Variants in MAGI1 observed in about 807,000 individuals in gnomAD.
The protein encoded by MAGI1 is membrane-associated guanylate kinase, WW and PDZ domain-containing protein 1.
MAGI1 carries 58 observed loss-of-function variants against 139.9 expected under a neutral mutation model. The ratio of observed to expected loss-of-function variants is 0.41; its 90% CI spans 0.34 to 0.52. The LOEUF is 0.52. Ranked by LOEUF, MAGI1 falls within the 20% of genes least tolerant of loss-of-function variation. The probability of loss-of-function intolerance (pLI) is 0.12; values close to 1 mark genes in which losing one functional copy is unlikely to be tolerated. For synonymous variants in MAGI1, 812 were observed against 737.9 expected, an observed-to-expected ratio of 1.10 and a Z score of -1.63; for missense variants, 1,874 against 1,901.6, an observed-to-expected ratio of 0.99 and a Z score of 0.27.
At chr3:65,865,455 G>C (rs2059691033) in intron 1 of MAGI1, among the ~76,000 whole-genome samples, 2 of 152,080 alleles carry the variant, frequency 1.3e-5, no homozygotes, top group East Asian at 1.9e-4. Flanking sequence ...AATTAGCCAG[G>C]CGTGGTGGCA....
At chr3:65,838,825 C>T (rs550767315) in intron 1 of MAGI1, among the ~76,000 whole-genome samples, 2 of 152,226 alleles carry the variant, frequency 1.3e-5, no homozygotes, top group Non-Finnish European at 2.9e-5. Context: ...GTGTTTGTAC[C>T]ATTTTACATT....
intron 1 of MAGI1, among the ~76,000 whole-genome samples, chr3:65,722,047 C>T (rs1559819931): frequency 6.6e-6 from 1 of 152,138 alleles, no homozygotes; most frequent in East Asian, 1.9e-4. Context: ...ACCTCCTTCC[C>T]TCCTCCAATC....
intron 1 of MAGI1, among the ~76,000 whole-genome samples, chr3:65,933,356 C>T (rs1245211597): frequency 6.6e-6 from 1 of 152,200 alleles, no homozygotes; most frequent in Non-Finnish European, 1.5e-5. Context: ...GAGGGATCTG[C>T]TTCTGCTTCT....
At chr3:65,987,160 G>A (rs1259733795) in intron 1 of MAGI1, among the ~76,000 whole-genome samples, 4 of 152,138 alleles carry the variant, frequency 2.6e-5, no homozygotes, top group Admixed American at 1.3e-4. Flanking sequence ...GAGCTACCGC[G>A]CCTGGCCTAA....
intron 1 of MAGI1, among the ~76,000 whole-genome samples, chr3:65,988,316 A>C (rs1363596288): frequency 6.6e-6 from 1 of 152,194 alleles, no homozygotes; most frequent in Non-Finnish European, 1.5e-5. Flanking sequence ...TAAAGCAGGC[A>C]TAACTGTGCT....
At chr3:65,969,125 G>A (rs1404037192) in intron 1 of MAGI1, among the ~76,000 whole-genome samples, 16 of 152,172 alleles carry the variant, frequency 1.1e-4, no homozygotes, top group Admixed American at 1.0e-3. Flanking sequence ...GGGAAGAATT[G>A]AGGCTGGTCT....
At chr3:65,859,046 A>G (rs1479412146) in intron 1 of MAGI1, among the ~76,000 whole-genome samples, 1 of 152,168 alleles carries the variant, frequency 6.6e-6, no homozygotes, top group Non-Finnish European at 1.5e-5. Flanking sequence ...AAAAATGCTA[A>G]AACTGGCTAG....
At chr3:65,980,950 G>A (rs1255618831) in intron 1 of MAGI1, among the ~76,000 whole-genome samples, 1 of 152,128 alleles carries the variant, frequency 6.6e-6, no homozygotes, top group Non-Finnish European at 1.5e-5. Context: ...CTTGAGGTCA[G>A]GAGTTCGAGA....
Position 65,530,666 on chromosome 3 carries a change from T to A in MAGI1, c.431-37035A>T, listed in dbSNP as rs1164397160. 1.2e-4 allele frequency among the ~76,000 whole-genome samples: 17 copies of A among 139,532 alleles called. 2 individuals carry two copies. The highest frequency in any genetic ancestry group is 7.5e-4 in the Admixed American group (10 of 13,402). The allele number at this position is 139,532 out of a possible 152,430, so 91.5% of individuals were successfully genotyped here. ...GTGTGTGTGTGTGTGTGTGTGTATA[T>A]ATATATACATATATATATACGTGTA... On this transcript the variant is annotated intron_variant, in intron 2 of 22. Transcript: ENST00000402939.
At position 65,430,211 on chromosome 3, in the gene MAGI1, C is replaced by G. The variant is rs1947351782; in HGVS notation, c.1547-71G>C. 10 of 1,477,414 alleles carry G rather than the reference C, an allele frequency of 6.8e-6. No homozygotes were observed. In the South Asian group the frequency reaches 1.1e-4, roughly 16 times the overall value. 91.5% of individuals were successfully genotyped at this position (1,477,414 alleles called of 1,614,324 possible). On this transcript the variant is annotated intron_variant, in intron 11 of 22. Coordinates refer to ENST00000402939, the MANE Select transcript of MAGI1 (RefSeq NM_001033057.2). Reference sequence around the variant, plus strand: ...AATTGTCATCAGTATTATAATATCTCCCACTAACATAAAGCTGAACTGAAA... The same window carrying G: ...AATTGTCATCAGTATTATAATATCTGCCACTAACATAAAGCTGAACTGAAA...
intron 1 of MAGI1, among the ~76,000 whole-genome samples, chr3:65,668,804 G>A (rs944062710): frequency 2.0e-5 from 3 of 150,994 alleles, no homozygotes; most frequent in Admixed American, 1.3e-4. Context: ...CACCTGCCTC[G>A]ACCTCCCAAA....
chr3:65,601,290 C>G (rs908883188), intron 2 of MAGI1, among the ~76,000 whole-genome samples: 1 of 151,902 alleles, frequency 6.6e-6, no homozygotes, highest in Admixed American at 6.5e-5. Context: ...TAGAAATGTC[C>G]TTTGGATAAA....
At chr3:65,406,802 T>C (rs1316986264) in intron 12 of MAGI1, among the ~76,000 whole-genome samples, 7 of 144,962 alleles carry the variant, frequency 4.8e-5, no homozygotes, top group Non-Finnish European at 1.6e-5. Context: ...GATCTCTCTC[T>C]CTCTATATAT....
At chr3:65,776,852 C>T (rs2038482482) in intron 1 of MAGI1, among the ~76,000 whole-genome samples, 1 of 152,210 alleles carries the variant, frequency 6.6e-6, no homozygotes, top group Admixed American at 6.5e-5. Context: ...GCATCTCAGC[C>T]ACTTTTGTTT....
intron 1 of MAGI1, among the ~76,000 whole-genome samples, chr3:65,887,254 G>C (rs1037267779): frequency 2.0e-5 from 3 of 151,832 alleles, no homozygotes; most frequent in African/African-American, 4.8e-5. Context: ...GGAGATAACA[G>C]GAAAAATTTA....
intron 1 of MAGI1, among the ~76,000 whole-genome samples, chr3:65,885,767 A>G (rs2108548064): frequency 1.3e-5 from 2 of 152,312 alleles, no homozygotes; most frequent in South Asian, 2.1e-4. Flanking sequence ...GTGGAACTGT[A>G]AGTCCATTAA....
chr3:65,505,795 G>A (rs2077261302), intron 2 of MAGI1, among the ~76,000 whole-genome samples: 1 of 151,734 alleles, frequency 6.6e-6, no homozygotes, highest in Admixed American at 6.6e-5. Flanking sequence ...TACTTTAAAG[G>A]AGTGAATATT....
At chr3:65,676,201 C>G (rs1030369823) in intron 1 of MAGI1, among the ~76,000 whole-genome samples, 14 of 151,924 alleles carry the variant, frequency 9.2e-5, no homozygotes, top group African/African-American at 3.4e-4. Context: ...CAGAGAAACT[C>G]TACATAACCA....
intron 2 of MAGI1, among the ~76,000 whole-genome samples, chr3:65,530,288 T>G (rs1462590588): frequency 6.6e-6 from 1 of 152,098 alleles, no homozygotes; most frequent in African/African-American, 2.4e-5. Flanking sequence ...TCCATGTCAC[T>G]GAATTAGGCG....
Sources: gnomAD v4.1 joint callset for allele counts (sites outside exome capture counted in the v4.1 genomes callset) on GRCh38, gnomAD v4.1.1 for gene constraint, MANE v1.5 for transcripts, NCBI Gene and HGNC (gene_info 2026-07-23, HGNC 2026-07-21) for gene names.